Variants in PCDH9 observed in about 807,000 individuals in gnomAD.
PCDH9 encodes the protein protocadherin-9.
PCDH9 carries 24 observed loss-of-function variants against 70.6 expected under a neutral mutation model. The ratio of observed to expected loss-of-function variants is 0.34; its 90% CI spans 0.25 to 0.48. The LOEUF is 0.48. Ranked by LOEUF, PCDH9 falls within the 20% of genes least tolerant of loss-of-function variation. The pLI, the probability that PCDH9 is intolerant of heterozygous loss-of-function variation, is 0.99. For synonymous variants in PCDH9, 562 were observed against 558.5 expected, an observed-to-expected ratio of 1.01 and a Z score of -0.09; for missense variants, 1,281 against 1,503.6, an observed-to-expected ratio of 0.85 and a Z score of 2.45.
intron 2 of PCDH9, among the ~76,000 whole-genome samples, chr13:67,063,941 GA>G (rs1403309293): frequency 1.3e-5 from 2 of 152,158 alleles, no homozygotes; most frequent in African/African-American, 4.8e-5. Context: ...AAATTGTAGA[GA>G]GAGCAAGAAC....
intron 2 of PCDH9, among the ~76,000 whole-genome samples, chr13:67,098,855 C>G (rs1216879825): frequency 6.6e-6 from 1 of 151,870 alleles, no homozygotes; most frequent in Non-Finnish European, 1.5e-5. Flanking sequence ...GCAAAAAACA[C>G]AGCAGTGAAA....
chr13:67,222,024 C>A (rs1308419940), intron 2 of PCDH9: 1 of 152,148 alleles, frequency 6.6e-6, no homozygotes, highest in Non-Finnish European at 1.5e-5. Flanking sequence ...ATCAGAGCCT[C>A]TGGGGTAGAA....
chr13:66,598,286 C>T (rs2077126611), intron 4 of PCDH9, among the ~76,000 whole-genome samples: 1 of 151,724 alleles, frequency 6.6e-6, no homozygotes, highest in Non-Finnish European at 1.5e-5. Flanking sequence ...TAGAACATGG[C>T]TATTCTAAAG....
Position 66,903,552 on chromosome 13 carries a change from G to A in PCDH9, c.3090C>T (p.Pro1030=). 6.3e-7 allele frequency: 1 copy of A among 1,585,674 alleles called. No homozygotes were observed. The highest frequency in any genetic ancestry group is 8.7e-7 in the Non-Finnish European group (1 of 1,155,532). ...CCTGAATGTGGAAACCCGTGGAGCT[G>A]GGACATTTCTGAGGAGTGACAGGAA... ...DNIPVTPQKC[P]SSTGFHIQEN... Residue 1030 remains proline (P), a synonymous_variant, in exon 3 of 5, where the codon CCC becomes CCT. Coordinates refer to ENST00000377865, the MANE Select transcript of PCDH9 (RefSeq NM_203487.3).
intron 4 of PCDH9, among the ~76,000 whole-genome samples, chr13:66,453,598 C>T (rs557697418): frequency 1.3e-5 from 2 of 152,262 alleles, no homozygotes; most frequent in East Asian, 3.9e-4. Context: ...ATTAAATCAG[C>T]TTCTCTTCCC....
intron 2 of PCDH9, among the ~76,000 whole-genome samples, chr13:67,130,048 A>C (rs2087074398): frequency 6.6e-6 from 1 of 152,178 alleles, no homozygotes; most frequent in South Asian, 2.1e-4. Context: ...TGTTTAATTA[A>C]TCTTATCCAT....
At chr13:67,060,215 G>T (rs1159951268) in intron 2 of PCDH9, among the ~76,000 whole-genome samples, 1 of 152,056 alleles carries the variant, frequency 6.6e-6, no homozygotes, top group Non-Finnish European at 1.5e-5. Flanking sequence ...AGGAGCAAAA[G>T]AGATCGTCCA....
chr13:67,189,969 A>C (rs2088865780), intron 2 of PCDH9, among the ~76,000 whole-genome samples: 1 of 152,090 alleles, frequency 6.6e-6, no homozygotes, highest in South Asian at 2.1e-4. Flanking sequence ...AGTTATTAAA[A>C]ATAATACAAA....
intron 3 of PCDH9, among the ~76,000 whole-genome samples, chr13:66,651,466 A>T (rs1298427178): frequency 6.6e-6 from 1 of 152,018 alleles, no homozygotes; most frequent in Non-Finnish European, 1.5e-5. Flanking sequence ...GAAATCCAAA[A>T]CCTGAACATA....
chr13:66,418,462 T>TTA (rs1387699589), intron 4 of PCDH9, among the ~76,000 whole-genome samples: 1 of 152,152 alleles, frequency 6.6e-6, no homozygotes, highest in East Asian at 1.9e-4. Context: ...ATTCTTTTAC[T>TTA]TAGGATTGTC....
chr13:67,106,515 A>C (rs1401257508), intron 2 of PCDH9, among the ~76,000 whole-genome samples: 1 of 152,228 alleles, frequency 6.6e-6, no homozygotes, highest in Non-Finnish European at 1.5e-5. Flanking sequence ...ATTTGGCCCC[A>C]CCACAATTCT....
intron 3 of PCDH9, among the ~76,000 whole-genome samples, chr13:66,831,444 G>A (rs1271587025): frequency 6.6e-6 from 1 of 152,076 alleles, no homozygotes; most frequent in East Asian, 1.9e-4. Context: ...AGTGATAGCA[G>A]CTGTGACAAG....
chr13:66,839,159 A>T (rs1594130018), intron 3 of PCDH9, among the ~76,000 whole-genome samples: 1 of 150,970 alleles, frequency 6.6e-6, no homozygotes, highest in African/African-American at 2.4e-5. Context: ...ATATTCTGAG[A>T]TATATATATA....
chr13:67,034,330 TTAAG>T (rs1433831045), intron 2 of PCDH9, among the ~76,000 whole-genome samples: 3 of 152,168 alleles, frequency 2.0e-5, no homozygotes, highest in Non-Finnish European at 4.4e-5. Flanking sequence ...TGATATCATC[TTAAG>T]TATGTATTAT....
chr13:66,713,625 G>GTATATATATATATATATATATATA (rs67681559), intron 3 of PCDH9, among the ~76,000 whole-genome samples: 62 of 109,968 alleles, frequency 5.6e-4, no homozygotes, highest in Admixed American at 7.0e-4. Flanking sequence ...GTGTGTGTGT[G>GTATATATATATATATATATATATA]TATATATATA....
At chr13:66,402,154 C>T (rs549377101) in intron 4 of PCDH9, among the ~76,000 whole-genome samples, 7 of 152,056 alleles carry the variant, frequency 4.6e-5, no homozygotes, top group Admixed American at 2.0e-4. Context: ...GGAATTGATA[C>T]GTGATATTTG....
At chr13:66,835,564 A>G (rs2081003449) in intron 3 of PCDH9, among the ~76,000 whole-genome samples, 1 of 152,106 alleles carries the variant, frequency 6.6e-6, no homozygotes, top group Non-Finnish European at 1.5e-5. Context: ...CTGCAGTTCT[A>G]TTTTTGCCCA....
chr13:67,151,715 A>G lies in PCDH9; in HGVS notation c.3036+73690T>C, dbSNP rs117673282. Among the ~76,000 whole-genome samples the G allele has an allele frequency of 1.2e-3, 177 of 144,988 alleles. 2 individuals are homozygous for G. Among genetic ancestry groups the G allele is most frequent in the Non-Finnish European group, 2.3e-3 (148 of 64,584 alleles). ...AGAAAAAAATTCATCTTTTCAATCT[A>G]TCAAAACTGAGGCACATAATAATTG... is the stretch of plus-strand genomic sequence containing the variant. On this transcript the variant is annotated intron_variant, in intron 2 of 4. Coordinates refer to ENST00000377865, the MANE Select transcript of PCDH9 (RefSeq NM_203487.3).
At chr13:66,657,858 A>G (rs963730924) in intron 3 of PCDH9, among the ~76,000 whole-genome samples, 2 of 152,190 alleles carry the variant, frequency 1.3e-5, no homozygotes, top group African/African-American at 4.8e-5. Context: ...CATCAAAGAA[A>G]TCTACAGTCC....
Sources: allele counts gnomAD v4.1 joint callset (sites outside exome capture counted in the v4.1 genomes callset), GRCh38; gene constraint gnomAD v4.1.1; transcripts MANE v1.5; gene names NCBI Gene and HGNC (gene_info 2026-07-23, HGNC 2026-07-21).